The following UGT8 variants were observed in gnomAD, a reference collection of about 807,000 sequenced individuals.
UGT8 encodes UDP glycosyltransferase 8.
UGT8 carries 12 observed loss-of-function variants against 40.5 expected under a neutral mutation model. That is an observed-to-expected ratio of 0.30 (90% CI 0.19 to 0.48). The LOEUF is 0.48. Among genes scored for constraint, UGT8 ranks in the 20% least tolerant of loss-of-function variants. The pLI is 0.99. For missense variants in UGT8, 513 were observed against 648.7 expected (o/e 0.79, Z 2.27); for synonymous variants, 224 against 240.4 (o/e 0.93, Z 0.63).
chr4:114,670,430 CAAAAAAAAA>C (rs70964319), intron 5 of UGT8, among the ~76,000 whole-genome samples: 1 of 57,330 alleles, frequency 1.7e-5, no homozygotes, highest in Non-Finnish European at 2.6e-5. Context: ...GACTCTGTCT[CAAAAAAAAA>C]AAAAAAAAAA....
chr4:114,619,680 A>G (rs1444637746), intron 1 of UGT8, among the ~76,000 whole-genome samples: 2 of 151,952 alleles, frequency 1.3e-5, no homozygotes, highest in Non-Finnish European at 2.9e-5. Context: ...GCTGCATTAT[A>G]TGAATGAATG....
intron 2 of UGT8, among the ~76,000 whole-genome samples, chr4:114,634,984 A>T (rs1310085667): frequency 6.6e-6 from 1 of 151,974 alleles, no homozygotes; most frequent in Non-Finnish European, 1.5e-5. Flanking sequence ...GACAAGTGAG[A>T]GGCATAGAAA....
chr4:114,611,403 C>CATATGT (rs1488448054), intron 1 of UGT8, among the ~76,000 whole-genome samples: 1 of 106,298 alleles, frequency 9.4e-6, no homozygotes, highest in African/African-American at 4.5e-5. Flanking sequence ...CATATATATC[C>CATATGT]ATATATATAT....
chr4:114,626,013 T>TGCACAC (rs1016768611), intron 2 of UGT8, among the ~76,000 whole-genome samples: 5 of 152,208 alleles, frequency 3.3e-5, no homozygotes, highest in Non-Finnish European at 5.9e-5. Context: ...ATGTGTTATA[T>TGCACAC]ATAGTATGTG....
In UGT8 at chr4:114,665,757, G is replaced by A. The variant is rs1163093680; in HGVS notation, c.1042+1G>A. 2 of 1,604,712 alleles carry A rather than the reference G, an allele frequency of 1.2e-6. No individual in the cohort carries two copies. The highest frequency in any genetic ancestry group is 8.5e-7 in the Non-Finnish European group (1 of 1,176,552). ...TGGTTACCACAAAATGACCTGCTTG[G>A]TAAGTCAATGATGTGTGGTTACTTA... On this transcript the variant is annotated splice_donor_variant, in intron 4 of 5. Transcript: ENST00000310836. LOFTEE classifies it high-confidence loss of function.
intron 2 of UGT8, among the ~76,000 whole-genome samples, chr4:114,653,334 C>T (rs557366552): frequency 6.6e-6 from 1 of 152,136 alleles, no homozygotes; most frequent in Admixed American, 6.6e-5. Flanking sequence ...TAGCTTTATA[C>T]ATACTACACT....
At chr4:114,639,687 G>A (rs915460161) in intron 2 of UGT8, among the ~76,000 whole-genome samples, 4 of 152,184 alleles carry the variant, frequency 2.6e-5, no homozygotes, top group Non-Finnish European at 4.4e-5. Flanking sequence ...GTAATCCTGG[G>A]TTTACTATTA....
chr4:114,657,025 T>G (rs1734233840), intron 2 of UGT8, among the ~76,000 whole-genome samples: 1 of 152,172 alleles, frequency 6.6e-6, no homozygotes, highest in Non-Finnish European at 1.5e-5. Context: ...TCCAAGTCCA[T>G]TAATCAAATT....
chr4:114,639,486 A>G (rs1733083549), intron 2 of UGT8, among the ~76,000 whole-genome samples: 1 of 152,182 alleles, frequency 6.6e-6, no homozygotes, highest in Admixed American at 6.5e-5. Flanking sequence ...GCCTTTAGTT[A>G]ATTTGTAATG....
rs1025445689 is a variant in UGT8 at position 114,676,260 on chromosome 4, A to G, written c.1598A>G (p.His533Arg). 2 of 1,594,076 alleles carry G rather than the reference A, an allele frequency of 1.3e-6. No homozygotes were observed. The highest frequency in any genetic ancestry group is 1.1e-5 in the South Asian group (1 of 87,488). The change falls in exon 6 of 6, where the codon CAT becomes CGT. Residue 533 changes from histidine to arginine, a missense_variant. By Grantham distance (29) the His-to-Arg change is conservative. Coordinates refer to ENST00000310836, the MANE Select transcript of UGT8 (RefSeq NM_001128174.3). The stretch of plus-strand genomic sequence containing the variant: ...AATGGCAAGTACAAAAGAAATGGCC[A>G]TATTAAACATGAAAAGAAAGTGAAA... ...ILNGKYKRNG[H>R]IKHEKKVK
intron 5 of UGT8, 78 bp downstream of exon 5, chr4:114,668,382 A>G: frequency 8.7e-7 from 1 of 1,153,876 alleles, no homozygotes; most frequent in Non-Finnish European, 1.3e-6. Flanking sequence ...TTTTCAATAG[A>G]TTGTCAATAA....
At position 114,612,732 on chromosome 4, in the gene UGT8, A is replaced by G. The variant is rs116294682; in HGVS notation, c.-2-10147A>G. ...TTATTCAAAATGCACTCCAAGCACCAGTAGTCCCATATTACTAGAGAGCTT... is the reference window on the plus strand; with the variant it reads ...TTATTCAAAATGCACTCCAAGCACCGGTAGTCCCATATTACTAGAGAGCTT... On this transcript the variant is annotated intron_variant, in intron 1 of 5. Coordinates refer to ENST00000310836, the MANE Select transcript of UGT8 (RefSeq NM_001128174.3). Among the ~76,000 whole-genome samples, 1,006 of 152,274 alleles carry G rather than the reference A, an allele frequency of 6.6e-3. 8 individuals are homozygous for G. Among genetic ancestry groups the G allele is most frequent in the African/African-American group, 0.019 (779 of 41,566 alleles).
At chr4:114,664,200 C>T (rs1005280898) in intron 3 of UGT8, 63 bp downstream of exon 3, 1 of 1,563,086 alleles carries the variant, frequency 6.4e-7, no homozygotes, top group African/African-American at 1.3e-5. Context: ...GTTTAGTGCA[C>T]AGGTCCCAGT....
At chr4:114,667,372 T>C (rs1177110215) in intron 4 of UGT8, among the ~76,000 whole-genome samples, 2 of 152,230 alleles carry the variant, frequency 1.3e-5, no homozygotes, top group Non-Finnish European at 2.9e-5. Flanking sequence ...ATCCCTTTTA[T>C]AGAAATGTAG....
chr4:114,602,003 C>T lies in UGT8; in HGVS notation c.-3+3029C>T, dbSNP rs539917162. Among the ~76,000 whole-genome samples, 41 of 152,130 alleles carry T rather than the reference C, an allele frequency of 2.7e-4. No homozygotes were observed. The South Asian group carries it at 8.1e-3, about 30-fold the overall frequency. On this transcript the variant is annotated intron_variant, in intron 1 of 5. Transcript: ENST00000310836. Reference sequence around the variant, plus strand: ...CTTTGTGACAGACACTTTCAGTTTACGTGCTTTATTTGTGGTTTGGACTGT... The same window carrying T: ...CTTTGTGACAGACACTTTCAGTTTATGTGCTTTATTTGTGGTTTGGACTGT...
chr4:114,637,546 C>T (rs892093821), intron 2 of UGT8, among the ~76,000 whole-genome samples: 8 of 152,074 alleles, frequency 5.3e-5, no homozygotes, highest in African/African-American at 1.9e-4. Flanking sequence ...CTTCTACTAA[C>T]TCCAGTAATA....
chr4:114,659,064 T>C (rs1026334448), intron 2 of UGT8, among the ~76,000 whole-genome samples: 1 of 152,072 alleles, frequency 6.6e-6, no homozygotes, highest in African/African-American at 2.4e-5. Context: ...TGTGGTCCAG[T>C]CAAGGCATTT....
chr4:114,671,290 G>A (rs1340714247), intron 5 of UGT8, among the ~76,000 whole-genome samples: 1 of 152,068 alleles, frequency 6.6e-6, no homozygotes, highest in Non-Finnish European at 1.5e-5. Flanking sequence ...ATTATTCACA[G>A]AATTAGAGAA....
chr4:114,644,924 T>C (rs1361329499), intron 2 of UGT8, among the ~76,000 whole-genome samples: 2 of 152,152 alleles, frequency 1.3e-5, no homozygotes, highest in Non-Finnish European at 2.9e-5. Context: ...CTTTATGTCT[T>C]AATATTCCTA....
Sources: allele counts gnomAD v4.1 joint callset (sites outside exome capture counted in the v4.1 genomes callset), GRCh38; gene constraint gnomAD v4.1.1; transcripts MANE v1.5; gene names NCBI Gene and HGNC (gene_info 2026-07-23, HGNC 2026-07-21).